Variants in WTAP observed in about 807,000 individuals in gnomAD.
The protein encoded by WTAP is WT1 associated protein, also known as pre-mRNA-splicing regulator WTAP.
A neutral mutation model predicts 50.0 loss-of-function variants in WTAP; 8 were observed. That is an observed-to-expected ratio of 0.16 (90% CI 0.09 to 0.29). The LOEUF (loss-of-function observed/expected upper bound fraction) is 0.29, where lower values mean the gene tolerates loss of function less well. Among genes scored for constraint, WTAP ranks in the 10% least tolerant of loss-of-function variants. WTAP has a pLI of 1.00. For synonymous variants in WTAP, 194 were observed against 169.0 expected (o/e 1.15, Z -1.15); for missense variants, 295 against 470.7 (o/e 0.63, Z 3.45).
At chr6:159,753,977 T>A (rs1052412770) in intron 7 of WTAP, among the ~76,000 whole-genome samples, 5 of 152,198 alleles carry the variant, frequency 3.3e-5, no homozygotes, top group African/African-American at 9.6e-5. Context: ...CTTAGAAACA[T>A]GGGCAGTTTT....
In WTAP at chr6:159,732,496, T is replaced by C. The variant is rs1318819043; in HGVS notation, c.-8-3762T>C. On this transcript the variant is annotated intron_variant, in intron 1 of 7. Transcript: ENST00000621533. ...CAGATACTGATATACCGGTTAAATA[T>C]GTACAGCTCAAATAGCTAAAATTGT... 2.6e-5 allele frequency among the ~76,000 whole-genome samples: 4 copies of C among 152,334 alleles called. No individual in the cohort carries two copies. In the East Asian group the frequency reaches 5.8e-4, roughly 22 times the overall value.
rs1779963839 is a variant in WTAP, at chr6:159,755,403, A to G, written c.983A>G (p.Tyr328Cys). The stretch of plus-strand genomic sequence containing the variant: ...AGAACTGGCAGAGGAGGTAGTGGTT[A>G]CGTAAATCAACTCAGTGCGGGGTAT... The part of the protein sequence containing the change: ...EERTGRGGSG[Y>C]VNQLSAGYES... Residue 328 changes from tyrosine (Y) to cysteine (C), a missense_variant, in exon 8 of 8, where the codon TAC becomes TGC. Physicochemically the swap from Tyr to Cys is radical, Grantham distance 194 (BLOSUM62 -2). Transcript: ENST00000621533. The G allele has an allele frequency of 1.2e-6, 2 of 1,614,216 alleles. No individual in the cohort carries two copies. The highest frequency in any genetic ancestry group is 2.7e-5 in the African/African-American group (2 of 75,042).
intron 6 of WTAP, among the ~76,000 whole-genome samples, chr6:159,751,435 G>C (rs1460820601): frequency 6.6e-6 from 1 of 152,168 alleles, no homozygotes; most frequent in African/African-American, 2.4e-5. Flanking sequence ...AGACAGTTTT[G>C]AGAGCATAGG....
intron 1 of WTAP, among the ~76,000 whole-genome samples, chr6:159,727,947 GCCGGAGAGA>G (rs1170210655): frequency 1.3e-5 from 2 of 152,246 alleles, no homozygotes; most frequent in African/African-American, 4.8e-5. Flanking sequence ...TGCTCTGGCG[GCCGGAGAGA>G]CCGGCCACTC....
intron 1 of WTAP, among the ~76,000 whole-genome samples, chr6:159,733,932 A>G (rs1437440384): frequency 6.6e-6 from 1 of 152,210 alleles, no homozygotes; most frequent in Non-Finnish European, 1.5e-5. Flanking sequence ...AAAAAGATTA[A>G]ACAGAGAAAG....
intron 1 of WTAP, among the ~76,000 whole-genome samples, chr6:159,729,721 A>T (rs2114864742): frequency 6.6e-6 from 1 of 152,354 alleles, no homozygotes; most frequent in East Asian, 1.9e-4. Flanking sequence ...GGATAAGGAA[A>T]AGATGGCCTT....
chr6:159,737,913 T>A (rs1779019679), intron 2 of WTAP, among the ~76,000 whole-genome samples: 1 of 152,228 alleles, frequency 6.6e-6, no homozygotes, highest in African/African-American at 2.4e-5. Flanking sequence ...GCTTTTTGTT[T>A]TGAAATAATT....
At chr6:159,737,665 A>AT (rs1236691593) in intron 2 of WTAP, among the ~76,000 whole-genome samples, 4 of 150,438 alleles carry the variant, frequency 2.7e-5, no homozygotes. Flanking sequence ...TAATTTTTGT[A>AT]TTTTTTGGTA....
At chr6:159,727,170 C>T, upstream of WTAP, 1 of 1,202,934 alleles carries the variant, frequency 8.3e-7, no homozygotes, top group Non-Finnish European at 1.1e-6. Flanking sequence ...TCGCGCCAGG[C>T]TCCTGGGAAA....
intron 3 of WTAP, 79 bp from the exon 4 acceptor site, chr6:159,742,009 G>GT (rs1779284477): frequency 1.9e-6 from 2 of 1,053,006 alleles, no homozygotes; most frequent in South Asian, 1.4e-5. Flanking sequence ...ACTAAAATCT[G>GT]TGAGTTTATA....
chr6:159,737,327 A>G (rs887294762), intron 2 of WTAP, among the ~76,000 whole-genome samples: 2 of 152,088 alleles, frequency 1.3e-5, no homozygotes, highest in Non-Finnish European at 2.9e-5. Context: ...CTGGGATAAT[A>G]GGCATGAGCT....
intron 1 of WTAP, among the ~76,000 whole-genome samples, chr6:159,728,043 C>T (rs1357822782): frequency 6.6e-6 from 1 of 152,210 alleles, no homozygotes; most frequent in Admixed American, 6.5e-5. Context: ...GCCCCCTTCA[C>T]CTCCCTTGGG....
At chr6:159,728,430 C>CA (rs57022984) in intron 1 of WTAP, among the ~76,000 whole-genome samples, 33,186 of 151,784 alleles carry the variant, frequency 0.22, 3,801 homozygotes, top group East Asian at 0.4. Context: ...CAAAACAAAA[C>CA]AAAAAAACTA....
chr6:159,755,518 A>G lies in WTAP; in HGVS notation c.1098A>G (p.Lys366=). 1 of 1,614,208 alleles carries G rather than the reference A, an allele frequency of 6.2e-7. No homozygotes were observed. Among genetic ancestry groups the G allele is most frequent in the Admixed American group, 1.7e-5 (1 of 60,026 alleles). The change falls in exon 8 of 8, where the codon AAA becomes AAG. Residue 366 remains lysine (K), a synonymous_variant. Transcript: ENST00000621533. Reference sequence around the variant, plus strand: ...CCAGTCATGACCCTCAAGAGGAGAAAGCAGTGAGTGGGAAAGGTAATCGAA... The same window carrying G: ...CCAGTCATGACCCTCAAGAGGAGAAGGCAGTGAGTGGGAAAGGTAATCGAA... The part of the protein sequence containing the change: ...TDSSHDPQEE[K]AVSGKGNRTV...
Position 159,748,810 on chromosome 6 carries a change from A to G in WTAP, c.452+441A>G. Reference sequence around the variant, plus strand: ...ACATGTAAAATTCCAGTAAAATGTAAAAACGGAATATGCATCGCTCTTAAC... The same window carrying G: ...ACATGTAAAATTCCAGTAAAATGTAGAAACGGAATATGCATCGCTCTTAAC... On this transcript the variant is annotated intron_variant, in intron 6 of 7. Coordinates refer to ENST00000621533, the MANE Select transcript of WTAP (RefSeq NM_001270531.2). This position sits in a 1 kb window ranked among gnomAD's most constrained non-coding sequence, Gnocchi z 5.6. 1 of 1,232,082 alleles carries G rather than the reference A, an allele frequency of 8.1e-7. No homozygotes were observed. The highest frequency in any genetic ancestry group is 1.0e-6 in the Non-Finnish European group (1 of 988,308). 76.3% of individuals were successfully genotyped at this position (1,232,082 alleles called of 1,614,324 possible). A position where few individuals can be genotyped will look rare whatever the true frequency, so the allele number is the denominator to read the frequency against.
intron 6 of WTAP, among the ~76,000 whole-genome samples, chr6:159,751,617 G>T (rs910617797): frequency 6.6e-6 from 1 of 152,206 alleles, no homozygotes; most frequent in African/African-American, 2.4e-5. Flanking sequence ...AGCTAATAAA[G>T]TTATCATATC....
intron 4 of WTAP, among the ~76,000 whole-genome samples, chr6:159,742,828 G>T (rs1203618002): frequency 6.6e-6 from 1 of 151,934 alleles, no homozygotes; most frequent in South Asian, 2.1e-4. Flanking sequence ...GGCCAAGGTG[G>T]GAAGATCACT....
chr6:159,738,914 A>G (rs895562467), intron 2 of WTAP, 76 bp from the exon 3 acceptor site: 22 of 1,046,686 alleles, frequency 2.1e-5, no homozygotes, highest in Non-Finnish European at 3.2e-5. Flanking sequence ...CACTTGGGAG[A>G]TGTTTCATAG....
intron 5 of WTAP, among the ~76,000 whole-genome samples, chr6:159,747,957 T>G (rs960667324): frequency 3.3e-5 from 5 of 152,184 alleles, no homozygotes; most frequent in African/African-American, 1.2e-4. Context: ...TAGTGATGTT[T>G]CAATACATAT....
Sources: allele counts gnomAD v4.1 joint callset (sites outside exome capture counted in the v4.1 genomes callset), GRCh38; gene constraint gnomAD v4.1.1; non-coding constraint Gnocchi (gnomAD v3.1); transcripts MANE v1.5; gene names NCBI Gene and HGNC (gene_info 2026-07-23, HGNC 2026-07-21).